The following CSMD3 variants were observed in gnomAD, a reference collection of about 807,000 sequenced individuals.
The protein encoded by CSMD3 is CUB and sushi domain-containing protein 3.
In CSMD3, 177 loss-of-function variants were observed where a neutral mutation model predicts 435.2. That is an observed-to-expected ratio of 0.41 (90% confidence interval 0.36 to 0.46). CSMD3 has a LOEUF of 0.46. Ranked by LOEUF, CSMD3 falls within the 20% of genes least tolerant of loss-of-function variation. CSMD3 has a pLI of 0.34. For missense variants in CSMD3, 4,265 were observed against 4,504.6 expected (o/e 0.95, Z 1.52); for synonymous variants, 1,656 against 1,520.5 (o/e 1.09, Z -2.07).
At chr8:112,640,594 G>GT (rs57299830) in intron 20 of CSMD3, among the ~76,000 whole-genome samples, 14,138 of 148,174 alleles carry the variant, frequency 0.095, 751 homozygotes, top group South Asian at 0.21. Context: ...AAGTTTTGGT[G>GT]TTTTTTTTTT....
chr8:112,447,366 G>T (rs896012511), intron 32 of CSMD3, among the ~76,000 whole-genome samples: 6 of 152,030 alleles, frequency 3.9e-5, no homozygotes, highest in Non-Finnish European at 5.9e-5. Context: ...GGCCTATTTT[G>T]CTTTATCTAT....
chr8:112,305,865 T>C (rs113848533), intron 51 of CSMD3, 142 bp downstream of exon 51: 44 of 745,846 alleles, frequency 5.9e-5, no homozygotes, highest in East Asian at 2.9e-4. Flanking sequence ...TTGTACAAGA[T>C]AGCTTACTTA....
At chr8:113,368,876 GA>G (rs940002233) in intron 1 of CSMD3, among the ~76,000 whole-genome samples, 3 of 151,896 alleles carry the variant, frequency 2.0e-5, no homozygotes, top group African/African-American at 7.3e-5. Flanking sequence ...GTTTTCTGGG[GA>G]AAATATCTGC....
intron 3 of CSMD3, among the ~76,000 whole-genome samples, chr8:113,228,053 G>A (rs955644755): frequency 1.3e-5 from 2 of 151,366 alleles, no homozygotes; most frequent in African/African-American, 4.8e-5. Context: ...GGGTTATCAT[G>A]TTATATTTTG....
intron 11 of CSMD3, among the ~76,000 whole-genome samples, chr8:112,840,435 G>A (rs1365963245): frequency 1.3e-5 from 2 of 151,728 alleles, no homozygotes. Flanking sequence ...TAAGGAGGAA[G>A]GAGAAACTGG....
At chr8:112,584,525 G>T (rs979073568) in intron 23 of CSMD3, among the ~76,000 whole-genome samples, 1 of 151,712 alleles carries the variant, frequency 6.6e-6, no homozygotes, top group South Asian at 2.1e-4. Flanking sequence ...ACGAATGTTT[G>T]CATGGAAATA....
At chr8:113,029,479 G>A (rs898035306) in intron 5 of CSMD3, among the ~76,000 whole-genome samples, 1 of 151,538 alleles carries the variant, frequency 6.6e-6, no homozygotes, top group East Asian at 1.9e-4. Flanking sequence ...ACATATGCAA[G>A]TCAATAAATG....
chr8:113,101,503 A>G (rs888687571), intron 4 of CSMD3, among the ~76,000 whole-genome samples: 2 of 152,108 alleles, frequency 1.3e-5, no homozygotes, highest in African/African-American at 2.4e-5. Flanking sequence ...TCCAAGGCAT[A>G]GAAATCAATT....
intron 5 of CSMD3, among the ~76,000 whole-genome samples, chr8:113,026,378 CTTCA>C (rs2086876949): frequency 6.6e-6 from 1 of 152,182 alleles, no homozygotes; most frequent in Non-Finnish European, 1.5e-5. Context: ...CCAGCATACT[CTTCA>C]TTCACTCTAG....
chr8:112,251,045 G>A (rs1302215042), intron 63 of CSMD3, among the ~76,000 whole-genome samples: 1 of 151,476 alleles, frequency 6.6e-6, no homozygotes, highest in Non-Finnish European at 1.5e-5. Context: ...TCCCTTCCAT[G>A]AGATTTCATG....
intron 1 of CSMD3, among the ~76,000 whole-genome samples, chr8:113,415,060 G>A (rs780259009): frequency 9.9e-5 from 15 of 152,040 alleles, no homozygotes; most frequent in Non-Finnish European, 1.9e-4. Context: ...AAGTTAATAC[G>A]ACTTTGGAAA....
chr8:112,950,122 G>T (rs1258165696), intron 8 of CSMD3, among the ~76,000 whole-genome samples: 4 of 151,678 alleles, frequency 2.6e-5, no homozygotes, highest in Admixed American at 2.6e-4. Context: ...TATAGAAAAA[G>T]ATTATATACT....
At chr8:112,418,050 A>T (rs1022493714) in intron 32 of CSMD3, among the ~76,000 whole-genome samples, 1 of 152,096 alleles carries the variant, frequency 6.6e-6, no homozygotes, top group African/African-American at 2.4e-5. Flanking sequence ...GTTTTGCTCA[A>T]TTTTCATTTT....
intron 22 of CSMD3, among the ~76,000 whole-genome samples, chr8:112,596,376 G>C (rs1241090630): frequency 6.6e-6 from 1 of 151,844 alleles, no homozygotes; most frequent in Non-Finnish European, 1.5e-5. Context: ...CAAGTCCTGA[G>C]TGACCTACAA....
intron 32 of CSMD3, among the ~76,000 whole-genome samples, chr8:112,417,777 C>A (rs145979436): frequency 3.3e-5 from 5 of 152,216 alleles, no homozygotes; most frequent in Admixed American, 3.3e-4. Flanking sequence ...TGCATTCTAC[C>A]TTTGTTTTTG....
chr8:113,306,422 A>G (rs1292915567), intron 2 of CSMD3, among the ~76,000 whole-genome samples: 1 of 152,166 alleles, frequency 6.6e-6, no homozygotes, highest in Non-Finnish European at 1.5e-5. Context: ...CATCAGGTAG[A>G]GTTAAATCAC....
chr8:112,787,322 T>A (rs764628631), intron 13 of CSMD3, among the ~76,000 whole-genome samples: 1 of 152,128 alleles, frequency 6.6e-6, no homozygotes, highest in Non-Finnish European at 1.5e-5. Context: ...CAGGCAATAG[T>A]GAATGGTGAA....
At chr8:112,604,962 T>C (rs962618405) in intron 22 of CSMD3, among the ~76,000 whole-genome samples, 1 of 152,030 alleles carries the variant, frequency 6.6e-6, no homozygotes, top group African/African-American at 2.4e-5. Flanking sequence ...TATTAAAATA[T>C]GGGCAAAGGA....
chr8:113,229,045 T>C (rs2132174716), intron 3 of CSMD3, among the ~76,000 whole-genome samples: 1 of 151,768 alleles, frequency 6.6e-6, no homozygotes, highest in Middle Eastern at 3.4e-3. Flanking sequence ...TAATCATGTA[T>C]CTCCTTACTT....
Sources: gnomAD v4.1 joint callset for allele counts (sites outside exome capture counted in the v4.1 genomes callset) on GRCh38, gnomAD v4.1.1 for gene constraint, MANE v1.5 for transcripts, NCBI Gene and HGNC (gene_info 2026-07-23, HGNC 2026-07-21) for gene names.